TRPM3: variants seen among roughly 807,000 people sequenced by gnomAD.
TRPM3 encodes long transient receptor potential channel 3.
In TRPM3, 77 loss-of-function variants were observed where a neutral mutation model predicts 181.2. The observed-to-expected ratio is 0.42, with a 90% CI of 0.35 to 0.51. The LOEUF is 0.51. TRPM3 is among the 20% of genes least tolerant of loss of function. TRPM3 has a pLI of 0.01. For synonymous variants in TRPM3, 745 were observed against 796.4 expected, an observed-to-expected ratio of 0.94 and a Z score of 1.09; for missense variants, 1,759 against 2,196.7, an observed-to-expected ratio of 0.80 and a Z score of 3.98.
rs1026377819 is a variant in TRPM3, at chr9:71,302,914, T to C, written c.183+143739A>G. On this transcript the variant is annotated intron_variant, in intron 1 of 24. Transcript: ENST00000357533. ...AGAAAAAAGCATAGTGCTATGTCAC[T>C]GAGAAAGGCCTAGGGAAGATATCTC... 4.0e-5 allele frequency among the ~76,000 whole-genome samples: 6 copies of C among 151,864 alleles called. No individual in the cohort carries two copies. The South Asian group carries it at 1.0e-3, about 26-fold the overall frequency.
intron 25 of TRPM3, among the ~76,000 whole-genome samples, chr9:70,541,509 CTTT>C (rs200435839): frequency 0.81 from 96,215 of 118,288 alleles, 38,724 homozygotes; most frequent in East Asian, 0.93. Context: ...TTCCTTTAAT[CTTT>C]TTTTTTTTTT....
rs114661750 is a variant in TRPM3 at position 71,231,670 on chromosome 9, A to C, written c.183+214983T>G. On this transcript the variant is annotated intron_variant, in intron 1 of 24. Transcript: ENST00000357533. ...TGGAGGCCATTATCCTAAGTAAATT[A>C]ACATAGCAACAGAAAACTAAATACT... is the stretch of plus-strand genomic sequence containing the variant. Among the ~76,000 whole-genome samples the C allele has an allele frequency of 3.6e-3, 548 of 152,328 alleles. 3 individuals are homozygous for C. Among genetic ancestry groups the C allele is most frequent in the African/African-American group, 0.012 (514 of 41,578 alleles).
chr9:71,211,504 A>C (rs761826571), intron 1 of TRPM3, among the ~76,000 whole-genome samples: 5 of 152,114 alleles, frequency 3.3e-5, no homozygotes, highest in African/African-American at 4.8e-5. Context: ...AGGTGGCTTA[A>C]AACAATAGAA....
chr9:70,618,905 T>C lies in TRPM3; in HGVS notation c.2320A>G (p.Met774Val), dbSNP rs928438815. Reference sequence around the variant, plus strand: ...TTCTTGCGCATGCGGAGCCGGCCCATCCACATGTCGGTGAGCAGCATCTGG... The same window carrying C: ...TTCTTGCGCATGCGGAGCCGGCCCACCCACATGTCGGTGAGCAGCATCTGG... ...CSQMLLTDMW[M>V]GRLRMRKNSG... is the part of the protein sequence containing the mutation. The change falls in exon 17 of 26, where the codon ATG becomes GTG. Residue 774 changes from methionine (M) to valine (V), a missense_variant. By Grantham distance (21) the Met-to-Val change is conservative. Transcript: ENST00000677713. 1 of 1,611,016 alleles carries C rather than the reference T, an allele frequency of 6.2e-7. No individual in the cohort carries two copies. The highest frequency in any genetic ancestry group is 8.5e-7 in the Non-Finnish European group (1 of 1,179,952).
chr9:70,623,591 AAAGGCAGTGGTACCC>A (rs1342603543), intron 14 of TRPM3, among the ~76,000 whole-genome samples: 1 of 152,204 alleles, frequency 6.6e-6, no homozygotes, highest in Non-Finnish European at 1.5e-5. Context: ...TGGCAAGAAC[AAAGGCAGTGGTACCC>A]ACCTTTACCC....
intron 1 of TRPM3, among the ~76,000 whole-genome samples, chr9:71,236,273 T>C (rs936605302): frequency 6.6e-6 from 1 of 152,212 alleles, no homozygotes. Flanking sequence ...TTAAATTCTC[T>C]GGACATTAGT....
chr9:70,665,076 G>T (rs1473713092), intron 9 of TRPM3, among the ~76,000 whole-genome samples: 1 of 152,132 alleles, frequency 6.6e-6, no homozygotes, highest in Non-Finnish European at 1.5e-5. Context: ...GTCAGGGCTG[G>T]CTGACAGCGC....
chr9:71,043,939 G>T (rs773919064), intron 1 of TRPM3, among the ~76,000 whole-genome samples: 30 of 151,900 alleles, frequency 2.0e-4, no homozygotes, highest in African/African-American at 7.0e-4. Flanking sequence ...GCATCATGTC[G>T]CATCACTCCT....
chr9:71,446,950 C>T (rs548190097), upstream of TRPM3: 69 of 1,075,458 alleles, frequency 6.4e-5, no homozygotes, highest in South Asian at 1.3e-3. Flanking sequence ...CTGCCTTTGC[C>T]TCCGCCGGCT....
At chr9:71,360,084 GTTA>G (rs1406241318) in intron 1 of TRPM3, among the ~76,000 whole-genome samples, 4 of 152,074 alleles carry the variant, frequency 2.6e-5, no homozygotes, top group African/African-American at 7.2e-5. Flanking sequence ...ATTAGTGTTA[GTTA>G]TTATTATTTT....
chr9:71,353,699 T>C (rs140279614), intron 1 of TRPM3, among the ~76,000 whole-genome samples: 2 of 152,318 alleles, frequency 1.3e-5, no homozygotes, highest in African/African-American at 4.8e-5. Context: ...TAGTCCTCTG[T>C]ACCCAGTTCA....
At chr9:70,828,058 A>C (rs2093660832) in intron 5 of TRPM3, 40 bp from the exon 6 acceptor site, 1 of 1,572,738 alleles carries the variant, frequency 6.4e-7, no homozygotes, top group East Asian at 2.2e-5. Context: ...GTCAGAAAAA[A>C]AGAACACAAG....
chr9:71,140,229 C>T (rs922921287), intron 1 of TRPM3, among the ~76,000 whole-genome samples: 4 of 152,080 alleles, frequency 2.6e-5, no homozygotes, highest in African/African-American at 9.7e-5. Flanking sequence ...CAGCTGAATG[C>T]TTCAATTTAA....
intron 8 of TRPM3, among the ~76,000 whole-genome samples, chr9:70,688,133 C>T (rs1015659851): frequency 3.9e-5 from 6 of 152,060 alleles, no homozygotes; most frequent in Non-Finnish European, 7.4e-5. Context: ...TCCATCCCTC[C>T]TTTCATTCTA....
intron 6 of TRPM3, among the ~76,000 whole-genome samples, chr9:70,821,821 C>T (rs2093195590): frequency 6.6e-6 from 1 of 152,166 alleles, no homozygotes; most frequent in African/African-American, 2.4e-5. Context: ...TCTCTCTTTC[C>T]TACTTGCCAG....
intron 1 of TRPM3, among the ~76,000 whole-genome samples, chr9:71,376,802 T>G (rs1031945941): frequency 9.9e-5 from 15 of 152,126 alleles, no homozygotes; most frequent in Non-Finnish European, 1.2e-4. Flanking sequence ...TGTTCACAAA[T>G]GCACAGTGAA....
intron 1 of TRPM3, among the ~76,000 whole-genome samples, chr9:71,314,678 A>G (rs546606561): frequency 6.6e-6 from 1 of 152,224 alleles, no homozygotes; most frequent in African/African-American, 2.4e-5. Context: ...GTGAGGCCAC[A>G]GGTTAGAAAA....
chr9:70,966,242 A>C (rs947189988), intron 1 of TRPM3, among the ~76,000 whole-genome samples: 1 of 152,124 alleles, frequency 6.6e-6, no homozygotes, highest in Non-Finnish European at 1.5e-5. Flanking sequence ...ATCAAGAAAT[A>C]ACAGGTGCTG....
chr9:71,124,907 A>G (rs1358735651), upstream of TRPM3, among the ~76,000 whole-genome samples: 2 of 152,242 alleles, frequency 1.3e-5, no homozygotes, highest in Non-Finnish European at 2.9e-5. Context: ...CAACACTAAA[A>G]TAACAGTGTT....
Sources: gnomAD v4.1 joint callset for allele counts (sites outside exome capture counted in the v4.1 genomes callset) on GRCh38, gnomAD v4.1.1 for gene constraint, MANE v1.5 for transcripts, NCBI Gene and HGNC (gene_info 2026-07-23, HGNC 2026-07-21) for gene names.